The following PEX5L variants were observed in gnomAD, a reference collection of about 807,000 sequenced individuals.
PEX5L encodes PEX5-related protein.
Under a neutral mutation model 84.0 loss-of-function variants are expected in PEX5L, and 30 were observed. The observed-to-expected ratio is 0.36, with a 90% CI of 0.27 to 0.48. The LOEUF is 0.48. PEX5L is among the 20% of genes least tolerant of loss of function. The pLI, the probability that PEX5L is intolerant of heterozygous loss-of-function variation, is 0.99. For synonymous variants in PEX5L, 270 were observed against 283.1 expected (o/e 0.95, Z 0.46); for missense variants, 533 against 754.6 (o/e 0.71, Z 3.44).
At chr3:179,875,525 G>GGGGGT in intron 5 of PEX5L, 48 bp from the exon 6 acceptor site, 1 of 1,258,320 alleles carries the variant, frequency 7.9e-7, no homozygotes. Flanking sequence ...GCAGGGCGGG[G>GGGGGT]TAGGGGGAGC....
intron 1 of PEX5L, among the ~76,000 whole-genome samples, chr3:179,984,452 T>C (rs1459450226): frequency 6.6e-6 from 1 of 152,130 alleles, no homozygotes; most frequent in East Asian, 1.9e-4. Context: ...AAGTAAATAG[T>C]TAAAACTTTG....
intron 1 of PEX5L, among the ~76,000 whole-genome samples, chr3:180,026,133 CTTTTTT>C (rs368852075): frequency 4.9e-5 from 5 of 101,760 alleles, no homozygotes; most frequent in East Asian, 2.8e-4. Context: ...TTTCAGCATT[CTTTTTT>C]TTTTTTTTTT....
chr3:179,981,023 C>CA lies in PEX5L; in HGVS notation c.22-9359dup, dbSNP rs4041253. 5.8e-3 allele frequency among the ~76,000 whole-genome samples: 790 copies of CA among 135,956 alleles called. 2 individuals carry two copies. Among genetic ancestry groups the CA allele is most frequent in the African/African-American group, 0.016 (585 of 36,932 alleles). 89.2% of individuals were successfully genotyped at this position (135,956 alleles called of 152,430 possible). On this transcript the variant is annotated intron_variant, in intron 1 of 14. Transcript: ENST00000467460. ...TGGGTGACAGAATAAGACTCCTTCT[C>CA]AAAAAAAAAAAAAAAAATTAAAACA...
chr3:179,984,489 G>A lies in PEX5L; in HGVS notation c.22-12824C>T, dbSNP rs144663345. Among the ~76,000 whole-genome samples the A allele has an allele frequency of 4.1e-3, 628 of 152,170 alleles. 3 individuals carry two copies. The highest frequency in any genetic ancestry group is 0.014 in the African/African-American group (601 of 41,526). The stretch of plus-strand genomic sequence containing the variant: ...TTAATTTTTTTCTAATCCAGTAAGC[G>A]TGAACAGATATAAGCCACATAAACA... On this transcript the variant is annotated intron_variant, in intron 1 of 14. Coordinates refer to ENST00000467460, the MANE Select transcript of PEX5L (RefSeq NM_016559.3).
At chr3:179,954,684 C>T (rs554306134) in intron 2 of PEX5L, among the ~76,000 whole-genome samples, 6 of 152,046 alleles carry the variant, frequency 3.9e-5, no homozygotes, top group Non-Finnish European at 7.4e-5. Flanking sequence ...AGGTGGAGCG[C>T]GGGCTTTGGA....
At chr3:179,808,921 A>G (rs1722513966) in intron 12 of PEX5L, among the ~76,000 whole-genome samples, 1 of 151,428 alleles carries the variant, frequency 6.6e-6, no homozygotes. Flanking sequence ...AAAAATACAA[A>G]AAATTAGCCG....
intron 2 of PEX5L, among the ~76,000 whole-genome samples, chr3:179,957,542 C>G (rs953977055): frequency 6.6e-6 from 1 of 152,178 alleles, no homozygotes; most frequent in East Asian, 1.9e-4. Context: ...ACTAGCTCTA[C>G]TAAACAGATC....
chr3:179,928,155 T>C (rs890067985), intron 2 of PEX5L, among the ~76,000 whole-genome samples: 21 of 152,222 alleles, frequency 1.4e-4, no homozygotes, highest in Admixed American at 1.4e-3. Flanking sequence ...CAATTCTCTT[T>C]ACTTCAGTAA....
chr3:179,958,462 A>C (rs1430473667), intron 2 of PEX5L, among the ~76,000 whole-genome samples: 1 of 152,210 alleles, frequency 6.6e-6, no homozygotes, highest in African/African-American at 2.4e-5. Context: ...GGATTAAATG[A>C]GTAATATACA....
At chr3:180,025,349 G>A (rs1790851257) in intron 1 of PEX5L, among the ~76,000 whole-genome samples, 1 of 152,122 alleles carries the variant, frequency 6.6e-6, no homozygotes, top group Non-Finnish European at 1.5e-5. Flanking sequence ...CATTCAATAA[G>A]TACTATGTAA....
At chr3:179,922,451 CTTTTTTT>C (rs35332742) in intron 2 of PEX5L, among the ~76,000 whole-genome samples, 42 of 134,032 alleles carry the variant, frequency 3.1e-4, no homozygotes, top group East Asian at 2.8e-3. Flanking sequence ...CTTTTCTTTT[CTTTTTTT>C]TTTTTTTTTT....
At chr3:179,948,568 A>T (rs1233304515) in intron 2 of PEX5L, among the ~76,000 whole-genome samples, 1 of 152,142 alleles carries the variant, frequency 6.6e-6, no homozygotes, top group Non-Finnish European at 1.5e-5. Context: ...GGATCCACGG[A>T]GAGAATTAGA....
chr3:179,854,576 G>A (rs1254106302), intron 8 of PEX5L, among the ~76,000 whole-genome samples: 1 of 152,106 alleles, frequency 6.6e-6, no homozygotes, highest in Non-Finnish European at 1.5e-5. Flanking sequence ...AGGCAGAATT[G>A]TTTAATGTCA....
intron 1 of PEX5L, among the ~76,000 whole-genome samples, chr3:180,005,317 GT>G (rs1788782808): frequency 6.6e-6 from 1 of 152,008 alleles, no homozygotes; most frequent in Admixed American, 6.5e-5. Context: ...CTGAAGTACA[GT>G]GGTACAATCA....
intron 1 of PEX5L, chr3:179,973,259 T>C (rs1191286571): frequency 7.8e-7 from 1 of 1,289,060 alleles, no homozygotes. Context: ...CATCCCAGAA[T>C]TCTTTATGCC....
At position 179,983,607 on chromosome 3, in the gene PEX5L, T is replaced by A. The variant is rs550490022; in HGVS notation, c.22-11942A>T. On this transcript the variant is annotated intron_variant, in intron 1 of 14. Transcript: ENST00000467460. The stretch of plus-strand genomic sequence containing the variant: ...ACTAGTTGGGAAATAAATTAGCCAC[T>A]TAAAAAAAACTCCACCATTTTTACT... Among the ~76,000 whole-genome samples, 4 of 152,128 alleles carry A rather than the reference T, an allele frequency of 2.6e-5. No individual in the cohort carries two copies. In the South Asian group the frequency reaches 8.3e-4, roughly 32 times the overall value.
intron 1 of PEX5L, among the ~76,000 whole-genome samples, chr3:180,007,484 G>C (rs112693559): frequency 0.017 from 2,595 of 152,294 alleles, 83 homozygotes; most frequent in African/African-American, 0.059. Context: ...TCCTCTTCTC[G>C]CAGCTCGATT....
intron 2 of PEX5L, among the ~76,000 whole-genome samples, chr3:179,909,778 G>T (rs1266468847): frequency 6.6e-6 from 1 of 152,206 alleles, no homozygotes; most frequent in Non-Finnish European, 1.5e-5. Context: ...ATAAGAAAAG[G>T]AAATTAAGAC....
intron 8 of PEX5L, among the ~76,000 whole-genome samples, chr3:179,825,504 CA>C (rs1203381679): frequency 6.6e-6 from 1 of 151,912 alleles, no homozygotes; most frequent in Non-Finnish European, 1.5e-5. Context: ...CGGGAAGGCT[CA>C]AAATTAATCA....
Sources: allele counts gnomAD v4.1 joint callset (sites outside exome capture counted in the v4.1 genomes callset), GRCh38; gene constraint gnomAD v4.1.1; transcripts MANE v1.5; gene names NCBI Gene and HGNC (gene_info 2026-07-23, HGNC 2026-07-21).